Variants in PACSIN2 observed in about 807,000 individuals in gnomAD.
PACSIN2 encodes protein kinase C and casein kinase substrate in neurons 2.
PACSIN2 carries 25 observed loss-of-function variants against 63.8 expected under a neutral mutation model. The observed-to-expected ratio is 0.39, with a 90% CI of 0.29 to 0.55. The LOEUF (loss-of-function observed/expected upper bound fraction) is 0.55. PACSIN2 is among the 20% of genes least tolerant of loss of function. The probability of loss-of-function intolerance (pLI) is 0.62; values close to 1 mark genes in which losing one functional copy is unlikely to be tolerated. For synonymous variants in PACSIN2, 255 were observed against 256.2 expected, an observed-to-expected ratio of 1.00 and a Z score of 0.05; for missense variants, 518 against 646.9, an observed-to-expected ratio of 0.80 and a Z score of 2.16.
At chr22:42,893,404 C>T (rs200693723) in intron 3 of PACSIN2, 53 bp downstream of exon 3, 389 of 1,581,332 alleles carry the variant, frequency 2.5e-4, no homozygotes, top group East Asian at 3.8e-4. Flanking sequence ...CCAGAGCCCC[C>T]GGCTGGGGTG....
rs547113829 is a variant in PACSIN2, at chr22:42,918,016, C to A, written c.-77-5859G>T. ...GTATTTAAATATAATGTTTACTGCA[C>A]CAATATTATCCCCACTTGCCTGGCA... On this transcript the variant is annotated intron_variant, in intron 1 of 10. Transcript: ENST00000263246. Among the ~76,000 whole-genome samples, 43 of 152,248 alleles carry A rather than the reference C, an allele frequency of 2.8e-4. 1 individual carries two copies. In the South Asian group the frequency reaches 8.9e-3, roughly 32 times the overall value.
intron 1 of PACSIN2, chr22:42,959,876 A>G (rs1934068299): frequency 6.6e-6 from 1 of 151,926 alleles, no homozygotes; most frequent in African/African-American, 2.4e-5. Flanking sequence ...GGCATGTCTG[A>G]CCTCTGTCTC....
chr22:42,926,094 T>C (rs1932516181), intron 1 of PACSIN2, among the ~76,000 whole-genome samples: 1 of 152,218 alleles, frequency 6.6e-6, no homozygotes, highest in Non-Finnish European at 1.5e-5. Flanking sequence ...GCACAACTCA[T>C]TTTGTTTCCA....
intron 1 of PACSIN2, among the ~76,000 whole-genome samples, chr22:42,940,609 G>C (rs1221048571): frequency 6.6e-6 from 1 of 152,200 alleles, no homozygotes; most frequent in Non-Finnish European, 1.5e-5. Flanking sequence ...ATGCTGGAGA[G>C]GGGCCACCCC....
chr22:42,972,327 C>T (rs1921386908), intron 1 of PACSIN2, among the ~76,000 whole-genome samples: 1 of 152,134 alleles, frequency 6.6e-6, no homozygotes, highest in Admixed American at 6.5e-5. Context: ...TAAGAGTCAT[C>T]ACCACTCCCT....
intron 1 of PACSIN2, among the ~76,000 whole-genome samples, chr22:42,951,066 T>C (rs1321574819): frequency 6.6e-6 from 1 of 152,198 alleles, no homozygotes; most frequent in African/African-American, 2.4e-5. Context: ...CATGAAAGTC[T>C]GGGCTTTTGC....
In PACSIN2 at chr22:42,883,229, G is replaced by A. The variant is rs556116601; in HGVS notation, c.786-925C>T. 1.6e-4 allele frequency among the ~76,000 whole-genome samples: 25 copies of A among 152,152 alleles called. 1 individual carries two copies. The highest frequency in any genetic ancestry group is 4.6e-4 in the Admixed American group (7 of 15,286). The stretch of plus-strand genomic sequence containing the variant: ...CTGCTCCTGCCAGCAGAGCAGCCTC[G>A]GGCAAGTCATTTAATCTCACCCAGC... On this transcript the variant is annotated intron_variant, in intron 6 of 10. Transcript: ENST00000263246.
intron 6 of PACSIN2, among the ~76,000 whole-genome samples, chr22:42,882,778 C>G (rs750652036): frequency 2.0e-5 from 3 of 152,236 alleles, no homozygotes; most frequent in Non-Finnish European, 2.9e-5. Flanking sequence ...GTGGGGGCTG[C>G]CTTCCGCCTG....
chr22:42,896,294 C>A (rs980593049), intron 2 of PACSIN2, among the ~76,000 whole-genome samples: 14 of 152,196 alleles, frequency 9.2e-5, no homozygotes, highest in Admixed American at 8.5e-4. Context: ...TTCTGTCACC[C>A]ACCATAATGT....
intron 1 of PACSIN2, among the ~76,000 whole-genome samples, chr22:42,990,007 CAT>C (rs1463935958): frequency 1.5e-5 from 1 of 67,056 alleles, no homozygotes; most frequent in Admixed American, 1.8e-4. Context: ...TATACACACA[CAT>C]ATATATACAC....
chr22:42,988,886 ATT>A (rs58156104), intron 1 of PACSIN2, among the ~76,000 whole-genome samples: 1 of 150,874 alleles, frequency 6.6e-6, no homozygotes, highest in African/African-American at 2.4e-5. Context: ...GGTCAAAGAA[ATT>A]TTTTTTTTTG....
chr22:42,871,031 A>G lies in PACSIN2; in HGVS notation c.*326T>C. The G allele has an allele frequency of 3.1e-6, 1 of 322,546 alleles. No individual in the cohort carries two copies. The highest frequency in any genetic ancestry group is 5.9e-6 in the Non-Finnish European group (1 of 170,200). The allele number at this position is 322,546 out of a possible 1,614,324, so 20.0% of individuals were successfully genotyped here. A position where few individuals can be genotyped will look rare whatever the true frequency, so the allele number is the denominator to read the frequency against. ...GTCAGAGAGAGTAATCAGTGGAACA[A>G]GATCAGTGTAACCCACCATTGACTC... On this transcript the variant is annotated 3_prime_UTR_variant, in exon 11 of 11. Coordinates refer to ENST00000263246, the MANE Select transcript of PACSIN2 (RefSeq NM_001184970.3). This position sits in a 1 kb window ranked among gnomAD's most constrained non-coding sequence, Gnocchi z 5.4.
chr22:42,973,144 C>T (rs918418627), intron 1 of PACSIN2, among the ~76,000 whole-genome samples: 1 of 152,122 alleles, frequency 6.6e-6, no homozygotes, highest in Non-Finnish European at 1.5e-5. Context: ...GTGAAATATT[C>T]CTATCCAAAA....
At chr22:42,900,522 C>T (rs1472773710) in intron 2 of PACSIN2, among the ~76,000 whole-genome samples, 1 of 152,138 alleles carries the variant, frequency 6.6e-6, no homozygotes, top group African/African-American at 2.4e-5. Flanking sequence ...CACTGTATTG[C>T]CCAGGCTGGA....
At chr22:42,938,580 CA>C (rs549362421) in intron 1 of PACSIN2, among the ~76,000 whole-genome samples, 7 of 152,334 alleles carry the variant, frequency 4.6e-5, no homozygotes, top group African/African-American at 1.4e-4. Context: ...AGAGGCTGTC[CA>C]AACATGAAGA....
intron 1 of PACSIN2, among the ~76,000 whole-genome samples, chr22:42,939,426 A>G (rs756391889): frequency 6.6e-6 from 1 of 152,204 alleles, no homozygotes; most frequent in Non-Finnish European, 1.5e-5. Context: ...ACAGTAGTGT[A>G]AGAAGATGTA....
intron 1 of PACSIN2, among the ~76,000 whole-genome samples, chr22:42,962,006 C>G (rs1569328690): frequency 6.6e-6 from 1 of 152,104 alleles, no homozygotes; most frequent in Non-Finnish European, 1.5e-5. Context: ...AGATGAACAC[C>G]AGAGTGCCAC....
intron 1 of PACSIN2, among the ~76,000 whole-genome samples, chr22:42,950,063 G>A (rs1569313282): frequency 6.6e-6 from 1 of 152,156 alleles, no homozygotes; most frequent in Non-Finnish European, 1.5e-5. Context: ...GATTCAACCA[G>A]TCAGGAATCG....
At chr22:42,901,417 T>A (rs2146695213) in intron 2 of PACSIN2, among the ~76,000 whole-genome samples, 1 of 152,346 alleles carries the variant, frequency 6.6e-6, no homozygotes, top group East Asian at 1.9e-4. Flanking sequence ...TTTCGATAAC[T>A]TGTTCAAATC....
Sources: allele counts gnomAD v4.1 joint callset (sites outside exome capture counted in the v4.1 genomes callset), GRCh38; gene constraint gnomAD v4.1.1; non-coding constraint Gnocchi (gnomAD v3.1); transcripts MANE v1.5; gene names NCBI Gene and HGNC (gene_info 2026-07-23, HGNC 2026-07-21).